Variants in NRG2 observed in about 807,000 individuals in gnomAD.
NRG2 encodes neuregulin 2, also known as pro-neuregulin-2, membrane-bound isoform.
NRG2 carries 27 observed loss-of-function variants against 73.9 expected under a neutral mutation model. That is an observed-to-expected ratio of 0.37 (90% CI 0.27 to 0.50). The LOEUF (loss-of-function observed/expected upper bound fraction) is 0.50, where lower values mean the gene tolerates loss of function less well. Ranked by LOEUF, NRG2 falls within the 20% of genes least tolerant of loss-of-function variation. The pLI, the probability that NRG2 is intolerant of heterozygous loss-of-function variation, is 0.96. For missense variants in NRG2, 1,126 were observed against 1,210.1 expected (o/e 0.93, Z 1.03); for synonymous variants, 532 against 541.0 (o/e 0.98, Z 0.23).
intron 1 of NRG2, among the ~76,000 whole-genome samples, chr5:139,992,124 GT>G (rs779139793): frequency 8.5e-5 from 13 of 152,182 alleles, no homozygotes; most frequent in Non-Finnish European, 1.9e-4. Context: ...CTATGAAAGT[GT>G]TATCTCCCTT....
Position 139,848,226 on chromosome 5 carries a change from G to A in NRG2, c.2244C>T (p.Leu748=). The part of the protein sequence containing the change: ...AGPRRWRRSR[L]NGLAAQRARA... ...GTGCGCGCTGCGCCGCCAGCCCGTT[G>A]AGGCGCGAGCGGCGCCAGCGCCGGG... The change falls in exon 10 of 10, where the codon CTC becomes CTT. Residue 748 remains leucine (L), a synonymous_variant. Coordinates refer to ENST00000361474, the MANE Select transcript of NRG2 (RefSeq NM_004883.3). 3 of 1,189,460 alleles carry A rather than the reference G, an allele frequency of 2.5e-6. No homozygotes were observed. Among genetic ancestry groups the A allele is most frequent in the Admixed American group, 4.6e-5 (1 of 21,790 alleles). The allele number at this position is 1,189,460 out of a possible 1,614,324, so 73.7% of individuals were successfully genotyped here. A position where few individuals can be genotyped will look rare whatever the true frequency, so the allele number is the denominator to read the frequency against.
chr5:139,986,355 T>C (rs1757171647), intron 1 of NRG2, among the ~76,000 whole-genome samples: 1 of 152,188 alleles, frequency 6.6e-6, no homozygotes, highest in Non-Finnish European at 1.5e-5. Flanking sequence ...GGCTTTGGCG[T>C]AGGTCAGTCA....
chr5:140,031,078 G>T (rs1256906276), intron 1 of NRG2, among the ~76,000 whole-genome samples: 1 of 152,172 alleles, frequency 6.6e-6, no homozygotes, highest in Non-Finnish European at 1.5e-5. Context: ...CCTATCCCAG[G>T]ATTATGCCTA....
At position 139,992,052 on chromosome 5, in the gene NRG2, G is replaced by A. The variant is rs1026652519; in HGVS notation, c.700+50318C>T. Among the ~76,000 whole-genome samples, 4 of 152,030 alleles carry A rather than the reference G, an allele frequency of 2.6e-5. No individual in the cohort carries two copies. In the East Asian group the frequency reaches 5.8e-4, roughly 22 times the overall value. ...ATCCTTACCAGGTAACATAAAAAAC[G>A]CTGTAGGTCAAATAGGGTAGAATTG... On this transcript the variant is annotated intron_variant, in intron 1 of 9. Coordinates refer to ENST00000361474, the MANE Select transcript of NRG2 (RefSeq NM_004883.3).
chr5:139,848,338 T>C lies in NRG2; in HGVS notation c.2132A>G (p.Asp711Gly). The change falls in exon 10 of 10, where the codon GAC becomes GGC. Residue 711 changes from aspartate to glycine, a missense_variant. By Grantham distance (94) the Asp-to-Gly change is moderately conservative (BLOSUM62 -1). Transcript: ENST00000361474. Reference protein sequence around the residue: ...PASPFRIPEDDEYETTQECAP... With the variant: ...PASPFRIPEDGEYETTQECAP... The stretch of plus-strand genomic sequence containing the variant: ...GCACTCCTGCGTGGTCTCGTACTCG[T>C]CGTCCTCGGGGATGCGGAAGGGGCT... 1 of 1,212,352 alleles carries C rather than the reference T, an allele frequency of 8.2e-7. No individual in the cohort carries two copies. Among genetic ancestry groups the C allele is most frequent in the Non-Finnish European group, 1.0e-6 (1 of 977,966 alleles). The allele number at this position is 1,212,352 out of a possible 1,614,324, so 75.1% of individuals were successfully genotyped here. A position where few individuals can be genotyped will look rare whatever the true frequency, so the allele number is the denominator to read the frequency against.
intron 1 of NRG2, among the ~76,000 whole-genome samples, chr5:140,021,452 C>T (rs1403962975): frequency 6.6e-6 from 1 of 152,164 alleles, no homozygotes; most frequent in Non-Finnish European, 1.5e-5. Flanking sequence ...TCCTTTAAGG[C>T]CTAAGGTGGG....
rs1754506027 is a variant in NRG2 at position 139,954,954 on chromosome 5, G to C, written c.701-67443C>G. Among the ~76,000 whole-genome samples, 1 of 152,160 alleles carries C rather than the reference G, an allele frequency of 6.6e-6. No homozygotes were observed. Among genetic ancestry groups the C allele is most frequent in the Non-Finnish European group, 1.5e-5 (1 of 68,026 alleles). ...AGTTCTACCTTCTCTGTAGGGCACT[G>C]TGTCCCTGACCTGCCCACTCACGAT... On this transcript the variant is annotated intron_variant, in intron 1 of 9. Coordinates refer to ENST00000361474, the MANE Select transcript of NRG2 (RefSeq NM_004883.3). The surrounding 1 kb of genome is among the most constrained non-coding windows in gnomAD (Gnocchi z 5.0).
chr5:140,003,134 A>G (rs116411569), intron 1 of NRG2, among the ~76,000 whole-genome samples: 1 of 152,204 alleles, frequency 6.6e-6, no homozygotes, highest in African/African-American at 2.4e-5. Flanking sequence ...AAATTGACCA[A>G]TATAGATCAC....
chr5:139,955,524 C>T (rs1047038114), intron 1 of NRG2, among the ~76,000 whole-genome samples: 1 of 152,154 alleles, frequency 6.6e-6, no homozygotes, highest in Non-Finnish European at 1.5e-5. Flanking sequence ...GGGCCCAGTC[C>T]TGTAGGCAGT....
chr5:139,918,806 T>C (rs971958421), intron 1 of NRG2, among the ~76,000 whole-genome samples: 2 of 152,092 alleles, frequency 1.3e-5, no homozygotes, highest in African/African-American at 4.8e-5. Flanking sequence ...TTAGTCATCA[T>C]GGCAAGCAAG....
chr5:140,006,888 G>A (rs1758947731), intron 1 of NRG2, among the ~76,000 whole-genome samples: 1 of 152,152 alleles, frequency 6.6e-6, no homozygotes, highest in Non-Finnish European at 1.5e-5. Context: ...TCATTAACCT[G>A]CCCTAGGGTC....
intron 1 of NRG2, among the ~76,000 whole-genome samples, chr5:140,012,510 C>G (rs1000722288): frequency 2.6e-5 from 4 of 152,174 alleles, no homozygotes; most frequent in Admixed American, 2.6e-4. Context: ...TCTTGTGCTC[C>G]ACCTCATTCT....
chr5:140,040,282 T>C (rs543413194), intron 1 of NRG2, among the ~76,000 whole-genome samples: 86 of 152,312 alleles, frequency 5.6e-4, no homozygotes, highest in African/African-American at 2.0e-3. Flanking sequence ...TTGTGATATG[T>C]GAGGGCCCTT....
intron 1 of NRG2, among the ~76,000 whole-genome samples, chr5:140,017,412 C>T (rs1312553025): frequency 6.6e-6 from 1 of 152,078 alleles, no homozygotes; most frequent in Non-Finnish European, 1.5e-5. Context: ...TCCAACAACT[C>T]CGTAGTTGGA....
intron 1 of NRG2, among the ~76,000 whole-genome samples, chr5:139,963,067 C>A (rs1755203697): frequency 6.6e-6 from 1 of 152,184 alleles, no homozygotes; most frequent in East Asian, 1.9e-4. Flanking sequence ...CCTAAGCCTC[C>A]CATGATTGAC....
chr5:139,867,789 T>TGTATGA, intron 4 of NRG2, among the ~76,000 whole-genome samples: 2 of 137,818 alleles, frequency 1.5e-5, no homozygotes. Flanking sequence ...TGTGTGTGTG[T>TGTATGA]GTGTGTGTAT....
chr5:139,929,036 C>T (rs1752268280), intron 1 of NRG2, among the ~76,000 whole-genome samples: 1 of 152,196 alleles, frequency 6.6e-6, no homozygotes, highest in Admixed American at 6.5e-5. Context: ...AGGTCCCAGA[C>T]ATAGTTGCTC....
intron 4 of NRG2, among the ~76,000 whole-genome samples, chr5:139,867,777 TGTGTGTGTGTGTGTGTGTGTATGA>T (rs1352574414): frequency 3.9e-5 from 5 of 127,008 alleles, no homozygotes; most frequent in Admixed American, 7.4e-5. Flanking sequence ...TGTGTGTGTG[TGTGTGTGTGTGTGTGTGTGTATGA>T]GTGTGTGTGT....
At chr5:139,976,500 T>G (rs1756394198) in intron 1 of NRG2, among the ~76,000 whole-genome samples, 1 of 152,162 alleles carries the variant, frequency 6.6e-6, no homozygotes, top group Admixed American at 6.5e-5. Flanking sequence ...GGCCAAACAG[T>G]GGGCTCATTC....
Sources: gnomAD v4.1 joint callset for allele counts (sites outside exome capture counted in the v4.1 genomes callset) on GRCh38, gnomAD v4.1.1 for gene constraint, Gnocchi (gnomAD v3.1) non-coding constraint, MANE v1.5 for transcripts, NCBI Gene and HGNC (gene_info 2026-07-23, HGNC 2026-07-21) for gene names.